NTMT2: variants seen among roughly 807,000 people sequenced by gnomAD.
The protein encoded by NTMT2 is X-Pro-Lys N-terminal protein methyltransferase 1B.
Under a neutral mutation model 23.4 loss-of-function variants are expected in NTMT2, and 21 were observed. That is an observed-to-expected ratio of 0.90 (90% CI 0.64 to 1.29). The LOEUF (loss-of-function observed/expected upper bound fraction) is 1.29. Among genes scored for constraint, NTMT2 ranks in the 50% most tolerant of loss-of-function variants. The pLI is 0.00. For missense variants in NTMT2, 336 were observed against 352.0 expected (o/e 0.95, Z 0.36); for synonymous variants, 131 against 127.7 (o/e 1.03, Z -0.17).
At chr1:170,160,920 C>A (rs1299476761) in intron 2 of NTMT2, among the ~76,000 whole-genome samples, 2 of 152,156 alleles carry the variant, frequency 1.3e-5, no homozygotes, top group African/African-American at 2.4e-5. Context: ...TGTCCTATCA[C>A]CAACTAATCT....
chr1:170,166,635 C>G lies in NTMT2; in HGVS notation c.464C>G (p.Ala155Gly), dbSNP rs369875685. The G allele has an allele frequency of 6.4e-6, 10 of 1,551,980 alleles. No homozygotes were observed. Among genetic ancestry groups the G allele is most frequent in the African/African-American group, 2.7e-5 (2 of 73,000 alleles). Reference protein sequence around the residue: ...VDMMESFLLEAQNYLQVKGDK... With the variant: ...VDMMESFLLEGQNYLQVKGDK... ...ATGATGGAATCCTTTCTCCTTGAAG[C>G]CCAGAACTACCTGCAGGTCAAAGGT... Residue 155 changes from alanine (A) to glycine (G), a missense_variant, in exon 3 of 4, where the codon GCC becomes GGC. By Grantham distance (60) the Ala-to-Gly change is moderately conservative. Coordinates refer to ENST00000439373, the MANE Select transcript of NTMT2 (RefSeq NM_001136107.2).
At chr1:170,167,231 A>G (rs1451542751) in intron 3 of NTMT2, among the ~76,000 whole-genome samples, 1 of 152,162 alleles carries the variant, frequency 6.6e-6, no homozygotes, top group African/African-American at 2.4e-5. Flanking sequence ...GGGGTAGACA[A>G]TAACTTATCT....
intron 1 of NTMT2, among the ~76,000 whole-genome samples, chr1:170,150,877 C>T (rs578079635): frequency 6.6e-6 from 1 of 152,204 alleles, no homozygotes; most frequent in South Asian, 2.1e-4. Context: ...TACCAGTGCT[C>T]AAAGGGCTCA....
intron 1 of NTMT2, among the ~76,000 whole-genome samples, chr1:170,154,947 G>T (rs1673137977): frequency 6.6e-6 from 1 of 152,054 alleles, no homozygotes; most frequent in Non-Finnish European, 1.5e-5. Context: ...TCATGGCTTG[G>T]TGCTGTCCTC....
chr1:170,152,666 T>G (rs1403538229), intron 1 of NTMT2, among the ~76,000 whole-genome samples: 1 of 152,104 alleles, frequency 6.6e-6, no homozygotes, highest in East Asian at 1.9e-4. Flanking sequence ...TCTAGTATCC[T>G]GGCACATTTA....
At chr1:170,151,991 C>T (rs1339949629) in intron 1 of NTMT2, among the ~76,000 whole-genome samples, 7 of 151,922 alleles carry the variant, frequency 4.6e-5, no homozygotes, top group Non-Finnish European at 1.0e-4. Flanking sequence ...TAAATGATAC[C>T]AAAGGTATGA....
intron 1 of NTMT2, chr1:170,151,574 T>C (rs17349873): frequency 0.027 from 4,165 of 153,176 alleles, 84 homozygotes; most frequent in South Asian, 0.047. Flanking sequence ...GCACAACTCA[T>C]TGTACAATGA....
chr1:170,158,063 C>G (rs77978324), intron 1 of NTMT2: 1 of 151,950 alleles, frequency 6.6e-6, no homozygotes, highest in African/African-American at 2.4e-5. Context: ...GATTGTAACC[C>G]TCATTGGGCT....
In NTMT2 at chr1:170,168,644, G is replaced by C. The variant is rs763349995; in HGVS notation, c.*887G>C. ...ATCTCCTTTCAGGAGAAAATGTTGT[G>C]CCCTGAAATTTCAACCTTTAACATA... On this transcript the variant is annotated 3_prime_UTR_variant, in exon 4 of 4. Coordinates refer to ENST00000439373, the MANE Select transcript of NTMT2 (RefSeq NM_001136107.2). 6.6e-6 allele frequency among the ~76,000 whole-genome samples: 1 copy of C among 152,180 alleles called. No individual in the cohort carries two copies. Among genetic ancestry groups the C allele is most frequent in the Non-Finnish European group, 1.5e-5 (1 of 68,032 alleles).
intron 2 of NTMT2, among the ~76,000 whole-genome samples, chr1:170,165,583 C>T (rs1673363783): frequency 6.6e-6 from 1 of 152,150 alleles, no homozygotes; most frequent in South Asian, 2.1e-4. Context: ...TACCATCCAC[C>T]TAAGAGGAGT....
intron 1 of NTMT2, among the ~76,000 whole-genome samples, chr1:170,157,071 G>A (rs1000245848): frequency 7.9e-5 from 12 of 152,174 alleles, no homozygotes; most frequent in East Asian, 3.9e-4. Context: ...CTGAGACATC[G>A]AAAGAATTTG....
At chr1:170,159,701 A>G (rs1673234597) in intron 1 of NTMT2, among the ~76,000 whole-genome samples, 2 of 152,092 alleles carry the variant, frequency 1.3e-5, no homozygotes, top group African/African-American at 2.4e-5. Context: ...TCAGCCTACA[A>G]TCTTGAACCA....
intron 1 of NTMT2, among the ~76,000 whole-genome samples, chr1:170,153,959 C>G (rs570213103): frequency 6.6e-6 from 1 of 152,226 alleles, no homozygotes; most frequent in Non-Finnish European, 1.5e-5. Flanking sequence ...ATCACAGACC[C>G]AGTAGTGTAG....
At chr1:170,156,290 T>C (rs761516678) in intron 1 of NTMT2, among the ~76,000 whole-genome samples, 88 of 152,118 alleles carry the variant, frequency 5.8e-4, no homozygotes, top group Non-Finnish European at 1.1e-3. Flanking sequence ...ATGAGAGAGA[T>C]TGAGCTTTAT....
chr1:170,164,921 T>C (rs1673342817), intron 2 of NTMT2, among the ~76,000 whole-genome samples: 1 of 152,234 alleles, frequency 6.6e-6, no homozygotes, highest in Admixed American at 6.5e-5. Context: ...TGGCTATTAT[T>C]ATTCCATTTG....
intron 1 of NTMT2, 54 bp from the exon 2 acceptor site, chr1:170,160,464 G>A (rs1238427987): frequency 7.3e-7 from 1 of 1,365,202 alleles, no homozygotes; most frequent in Non-Finnish European, 9.6e-7. Context: ...GCATAAAGCT[G>A]AGATTTTTTT....
At chr1:170,156,417 C>G (rs1673165434) in intron 1 of NTMT2, among the ~76,000 whole-genome samples, 1 of 152,136 alleles carries the variant, frequency 6.6e-6, no homozygotes, top group South Asian at 2.1e-4. Flanking sequence ...TATTCTCCTT[C>G]AGAGTAAACA....
intron 1 of NTMT2, among the ~76,000 whole-genome samples, chr1:170,153,475 G>A (rs940855248): frequency 6.6e-6 from 1 of 152,216 alleles, no homozygotes; most frequent in Non-Finnish European, 1.5e-5. Context: ...GGACAGTGAG[G>A]CCAGAATGCT....
At chr1:170,166,464 G>A (rs934824888) in intron 2 of NTMT2, 38 bp from the exon 3 acceptor site, 1 of 1,550,216 alleles carries the variant, frequency 6.5e-7, no homozygotes, top group Admixed American at 2.0e-5. Context: ...TTCAAGGATG[G>A]GTCTCTGTAC....
Sources: allele counts gnomAD v4.1 joint callset (sites outside exome capture counted in the v4.1 genomes callset), GRCh38; gene constraint gnomAD v4.1.1; transcripts MANE v1.5; gene names NCBI Gene and HGNC (gene_info 2026-07-23, HGNC 2026-07-21).